DIAPH2: variants seen among roughly 807,000 people sequenced by gnomAD.
DIAPH2 encodes protein diaphanous homolog 2.
Under a neutral mutation model 92.7 loss-of-function variants are expected in DIAPH2, and 35 were observed. The ratio of observed to expected loss-of-function variants is 0.38; its 90% CI spans 0.29 to 0.50. The LOEUF is 0.50. DIAPH2 is among the 20% of genes least tolerant of loss of function. DIAPH2 has a pLI of 0.94. For synonymous variants in DIAPH2, 301 were observed against 280.4 expected (o/e 1.07, Z -0.73); for missense variants, 701 against 819.5 (o/e 0.86, Z 1.77).
chrX:97,373,970 T>C (rs2069475948), intron 24 of DIAPH2, among the ~76,000 whole-genome samples: 1 of 110,478 alleles, frequency 9.1e-6, no homozygotes, highest in Admixed American at 9.7e-5. Flanking sequence ...CCAGTGGGGC[T>C]GGAAGAGAAT....
chrX:97,033,705 A>G (rs1468662836), intron 17 of DIAPH2, among the ~76,000 whole-genome samples: 2 of 112,070 alleles, frequency 1.8e-5, no homozygotes, highest in Admixed American at 9.5e-5. Context: ...TTTGTGGTAC[A>G]TATCAGTAAT....
chrX:97,414,954 C>T (rs1350636080), intron 25 of DIAPH2, among the ~76,000 whole-genome samples: 7 of 111,399 alleles, frequency 6.3e-5, no homozygotes, highest in African/African-American at 2.0e-4. Context: ...CACAATCTAC[C>T]CATCTGACAA....
intron 24 of DIAPH2, among the ~76,000 whole-genome samples, chrX:97,373,176 G>C (rs748960070): frequency 9.9e-5 from 11 of 111,313 alleles, no homozygotes; most frequent in Non-Finnish European, 1.7e-4. Context: ...CATGGATATC[G>C]GGCCTCTGAA....
chrX:96,802,535 A>G (rs1403471672), intron 4 of DIAPH2, among the ~76,000 whole-genome samples: 3 of 111,884 alleles, frequency 2.7e-5, no homozygotes, highest in Non-Finnish European at 5.6e-5. Flanking sequence ...TTTGGTATGA[A>G]TGCCCTTGGA....
intron 26 of DIAPH2, among the ~76,000 whole-genome samples, chrX:97,551,308 G>A (rs1344989280): frequency 9.0e-6 from 1 of 111,578 alleles, no homozygotes; most frequent in Non-Finnish European, 1.9e-5. Context: ...AATTTGCAGT[G>A]TTCGGGAGTG....
intron 22 of DIAPH2, among the ~76,000 whole-genome samples, chrX:97,146,517 C>A (rs920331225): frequency 2.7e-5 from 3 of 110,598 alleles, no homozygotes; most frequent in African/African-American, 9.9e-5. Flanking sequence ...TGTGGTATAG[C>A]AAATACCAAA....
chrX:97,597,947 G>C (rs1417387142), intron 26 of DIAPH2, among the ~76,000 whole-genome samples: 1 of 111,238 alleles, frequency 9.0e-6, no homozygotes, highest in Admixed American at 9.6e-5. Context: ...TTAAGTTTAT[G>C]GCTGGTTGGC....
chrX:96,965,236 C>A, intron 17 of DIAPH2, 29 bp downstream of exon 17: 8 of 1,067,840 alleles, frequency 7.5e-6, no homozygotes, highest in Non-Finnish European at 9.9e-6. Context: ...AATATAAGTT[C>A]CCGATTCAGG....
chrX:97,152,654 C>T (rs368746047), intron 22 of DIAPH2, among the ~76,000 whole-genome samples: 7 of 111,530 alleles, frequency 6.3e-5, no homozygotes, highest in Non-Finnish European at 1.1e-4. Flanking sequence ...GAGTACAACT[C>T]GCTTTTATAA....
At chrX:97,050,902 G>A (rs1184246134) in intron 17 of DIAPH2, among the ~76,000 whole-genome samples, 4 of 111,869 alleles carry the variant, frequency 3.6e-5, no homozygotes, top group African/African-American at 1.3e-4. Flanking sequence ...TTGCAATCAC[G>A]GAGTGAAGGT....
chrX:96,774,854 A>G (rs756928644), intron 4 of DIAPH2, among the ~76,000 whole-genome samples: 7 of 112,169 alleles, frequency 6.2e-5, no homozygotes. Flanking sequence ...CACTTTAGAC[A>G]TTTTTAAATA....
At chrX:97,399,745 C>T (rs148142419) in intron 25 of DIAPH2, among the ~76,000 whole-genome samples, 1,855 of 112,467 alleles carry the variant, frequency 0.016, 44 homozygotes, top group African/African-American at 0.057. Context: ...TGTGTTTTCA[C>T]AGTTTTATTA....
intron 22 of DIAPH2, among the ~76,000 whole-genome samples, chrX:97,225,740 A>T (rs1233577075): frequency 9.0e-6 from 1 of 111,571 alleles, no homozygotes; most frequent in East Asian, 2.8e-4. Context: ...AGCTATTGTC[A>T]TTTTACCCAA....
At position 97,383,905 on chromosome X, in the gene DIAPH2, A is replaced by G; in HGVS notation, c.3010-4A>G. 3 of 1,189,228 alleles carry G rather than the reference A, an allele frequency of 2.5e-6. No individual in the cohort carries two copies. The highest frequency in any genetic ancestry group is 2.3e-6 in the Non-Finnish European group (2 of 885,248). On this transcript the variant is annotated splice_region_variant and splice_polypyrimidine_tract_variant and intron_variant, in intron 24 of 26. Coordinates refer to ENST00000324765, the MANE Select transcript of DIAPH2 (RefSeq NM_006729.5). ...TTTCCATTTAACTTTGTTTATATGT[A>G]TAGGAAGCAGTGAGAGAAAACAATA... is the stretch of plus-strand genomic sequence containing the variant.
chrX:97,214,336 G>T (rs1195783721), intron 22 of DIAPH2, among the ~76,000 whole-genome samples: 1 of 111,047 alleles, frequency 9.0e-6, no homozygotes, highest in Non-Finnish European at 1.9e-5. Context: ...GGTCATGGTG[G>T]CACGCACCTC....
intron 22 of DIAPH2, among the ~76,000 whole-genome samples, chrX:97,230,483 A>G (rs1326593171): frequency 8.9e-6 from 1 of 112,216 alleles, no homozygotes; most frequent in Non-Finnish European, 1.9e-5. Flanking sequence ...TTCTTATTGC[A>G]GCATTTATAA....
intron 19 of DIAPH2, among the ~76,000 whole-genome samples, chrX:97,097,423 A>C (rs942699770): frequency 1.8e-5 from 2 of 112,149 alleles, no homozygotes; most frequent in African/African-American, 3.2e-5. Context: ...GTCAGAATAC[A>C]TCCAAGGCCA....
At chrX:97,240,412 C>T (rs182549058) in intron 22 of DIAPH2, among the ~76,000 whole-genome samples, 51 of 110,991 alleles carry the variant, frequency 4.6e-4, no homozygotes, top group African/African-American at 1.6e-3. Context: ...CGAGACCATC[C>T]TGGCTAACAC....
chrX:96,700,251 C>T (rs1047798621), intron 1 of DIAPH2, among the ~76,000 whole-genome samples: 40 of 112,052 alleles, frequency 3.6e-4, no homozygotes, highest in African/African-American at 1.2e-3. Context: ...TCAAGCGATC[C>T]ACCCGTCTCA....
Sources: allele counts gnomAD v4.1 joint callset (sites outside exome capture counted in the v4.1 genomes callset), GRCh38; gene constraint gnomAD v4.1.1; transcripts MANE v1.5; gene names NCBI Gene and HGNC (gene_info 2026-07-23, HGNC 2026-07-21).